Variants in ZNF721 observed in about 807,000 individuals in gnomAD.
ZNF721 encodes zinc finger protein 721.
In ZNF721, 2 loss-of-function variants were observed where a neutral mutation model predicts 2.4. The ratio of observed to expected loss-of-function variants is 0.82; its 90% confidence interval spans 0.34 to 2.58. The LOEUF (loss-of-function observed/expected upper bound fraction) is 2.58. ZNF721 is among the 30% of genes most tolerant of loss of function. ZNF721 has a pLI of 0.11. For synonymous variants in ZNF721, 398 were observed against 381.8 expected (o/e 1.04, Z -0.50); for missense variants, 1,187 against 1,085.5 (o/e 1.09, Z -1.31).
chr4:452,621 C>A (rs1714708373), intron 2 of ZNF721, among the ~76,000 whole-genome samples: 1 of 152,216 alleles, frequency 6.6e-6, no homozygotes, highest in Non-Finnish European at 1.5e-5. Context: ...CTGCAAGTAG[C>A]TGTCCTAGAT....
intron 2 of ZNF721, among the ~76,000 whole-genome samples, chr4:451,547 T>C (rs782771111): frequency 2.0e-5 from 3 of 152,178 alleles, no homozygotes; most frequent in Non-Finnish European, 4.4e-5. Flanking sequence ...CCCAGTCTGG[T>C]GGTGAATTCT....
At chr4:474,034 C>T in intron 1 of ZNF721, 1 of 1,494,824 alleles carries the variant, frequency 6.7e-7, no homozygotes, top group Non-Finnish European at 9.0e-7. Context: ...CATCCAATAC[C>T]CGCAGGTTAC....
At chr4:482,683 G>C (rs1412693245) in intron 1 of ZNF721, among the ~76,000 whole-genome samples, 1 of 151,616 alleles carries the variant, frequency 6.6e-6, no homozygotes, top group Non-Finnish European at 1.5e-5. Flanking sequence ...TTTTAGTAGA[G>C]ACGGGGTTTC....
At chr4:496,707 CTTTTTTTTTTT>C (rs781947891) in intron 1 of ZNF721, among the ~76,000 whole-genome samples, 7 of 83,886 alleles carry the variant, frequency 8.3e-5, no homozygotes, top group Admixed American at 1.6e-4. Context: ...TACATGACTT[CTTTTTTTTTTT>C]TTTTTTTTTT....
rs374163552 is a variant in ZNF721 at position 450,586 on chromosome 4, AT to A, written c.35-6155del. Reference sequence around the variant, plus strand: ...ATGGTACCACATCACTGTATAAAAAATATCTCAAAAATATTCAAGGCAGGGC... The same window carrying A: ...ATGGTACCACATCACTGTATAAAAAAATCTCAAAAATATTCAAGGCAGGGC... On this transcript the variant is annotated intron_variant, in intron 2 of 2. Transcript: ENST00000511833. 4.0e-3 allele frequency among the ~76,000 whole-genome samples: 609 copies of A among 152,236 alleles called. 3 individuals carry two copies. Among genetic ancestry groups the A allele is most frequent in the African/African-American group, 0.014 (592 of 41,536 alleles).
Position 459,658 on chromosome 4 carries a change from C to T in ZNF721, c.34+12917G>A, listed in dbSNP as rs754068714. Reference sequence around the variant, plus strand: ...ATCCGTGGTTAACATGGTGAAACCCCGTCTCTACTAAAAATACAAAAAATT... The same window carrying T: ...ATCCGTGGTTAACATGGTGAAACCCTGTCTCTACTAAAAATACAAAAAATT... On this transcript the variant is annotated intron_variant, in intron 2 of 2. Coordinates refer to ENST00000511833, the MANE Select transcript of ZNF721 (RefSeq NM_133474.4). 7.2e-5 allele frequency among the ~76,000 whole-genome samples: 11 copies of T among 152,072 alleles called. No homozygotes were observed. The South Asian group carries it at 1.7e-3, about 23-fold the overall frequency.
rs1714178171 is a variant in ZNF721, at chr4:440,042, G to A, written c.*1653C>T. The A allele has an allele frequency of 1.5e-5, 2 of 132,040 alleles. No individual in the cohort carries two copies. 8.2% of individuals were successfully genotyped at this position (132,040 alleles called of 1,614,324 possible). ...AAATTAAGTTCACACATTATCTTAAGAGAATTTTAAAATTTACTGCATTTT... is the reference window on the plus strand; with the variant it reads ...AAATTAAGTTCACACATTATCTTAAAAGAATTTTAAAATTTACTGCATTTT... On this transcript the variant is annotated 3_prime_UTR_variant, in exon 3 of 3. Coordinates refer to ENST00000511833, the MANE Select transcript of ZNF721 (RefSeq NM_133474.4).
chr4:477,428 CG>C (rs1715660229), intron 1 of ZNF721, among the ~76,000 whole-genome samples: 1 of 151,832 alleles, frequency 6.6e-6, no homozygotes, highest in Admixed American at 6.6e-5. Flanking sequence ...TTAGTAGAGA[CG>C]GGGTCTCACC....
intron 2 of ZNF721, among the ~76,000 whole-genome samples, chr4:446,403 CAG>C (rs1211072075): frequency 2.9e-5 from 4 of 136,676 alleles, no homozygotes; most frequent in Admixed American, 1.5e-4. Flanking sequence ...TTTTTTGAGA[CAG>C]AGTCTCACTC....
intron 1 of ZNF721, among the ~76,000 whole-genome samples, chr4:483,060 T>C (rs1715809662): frequency 6.6e-6 from 1 of 152,238 alleles, no homozygotes; most frequent in Non-Finnish European, 1.5e-5. Flanking sequence ...TTTCGATGCA[T>C]ATACATCTTA....
intron 2 of ZNF721, among the ~76,000 whole-genome samples, chr4:468,840 G>A (rs1715339687): frequency 6.6e-6 from 1 of 152,174 alleles, no homozygotes; most frequent in South Asian, 2.1e-4. Flanking sequence ...GACCACAGCT[G>A]AAGCCAAGAT....
intron 2 of ZNF721, among the ~76,000 whole-genome samples, chr4:466,733 A>C (rs1553866810): frequency 6.6e-6 from 1 of 152,224 alleles, no homozygotes; most frequent in African/African-American, 2.4e-5. Flanking sequence ...AGAGTACCAA[A>C]GGCAATGGTA....
At chr4:489,722 G>A (rs576117336) in intron 1 of ZNF721, among the ~76,000 whole-genome samples, 8 of 152,224 alleles carry the variant, frequency 5.3e-5, no homozygotes, top group Admixed American at 1.3e-4. Context: ...AGCTACTGGG[G>A]AGGAATGTAG....
Position 442,179 on chromosome 4 carries a change from T to A in ZNF721, c.2288A>T (p.Lys763Ile). 4.3e-6 allele frequency: 7 copies of A among 1,612,382 alleles called. No individual in the cohort carries two copies. Among genetic ancestry groups the A allele is most frequent in the Non-Finnish European group, 5.9e-6 (7 of 1,178,854 alleles). ...YKCKECGKVF[K>I]QSSHLNRHEK... ...ATGTCTATTCAGGTGTGAGGACTGTTTAAACACTTTCCCACATTCTTTACA... is the reference window on the plus strand; with the variant it reads ...ATGTCTATTCAGGTGTGAGGACTGTATAAACACTTTCCCACATTCTTTACA... The change falls in exon 3 of 3, where the codon AAA becomes ATA. Residue 763 changes from lysine (K) to isoleucine (I), a missense_variant. Transcript: ENST00000511833.
intron 2 of ZNF721, among the ~76,000 whole-genome samples, chr4:447,708 T>C (rs1049799592): frequency 2.0e-5 from 3 of 152,180 alleles, no homozygotes; most frequent in Non-Finnish European, 2.9e-5. Flanking sequence ...AGACATTTGA[T>C]GCAAATAACC....
chr4:487,362 G>A (rs1715923368), intron 1 of ZNF721, among the ~76,000 whole-genome samples: 2 of 152,144 alleles, frequency 1.3e-5, no homozygotes. Context: ...GCATGCTGAG[G>A]AAAGCCAAAG....
At chr4:498,732 T>C (rs1364662887) in intron 1 of ZNF721, among the ~76,000 whole-genome samples, 8 of 150,348 alleles carry the variant, frequency 5.3e-5, no homozygotes, top group Non-Finnish European at 7.4e-5. Context: ...TTTTCTTTTT[T>C]TTTTTTTTTT....
chr4:489,449 G>A (rs1576973553), intron 1 of ZNF721, among the ~76,000 whole-genome samples: 9 of 152,310 alleles, frequency 5.9e-5, no homozygotes, highest in Middle Eastern at 3.4e-3. Flanking sequence ...GTCATGGGAA[G>A]AGAGCCCAGA....
At chr4:459,428 C>G (rs1714946845) in intron 2 of ZNF721, among the ~76,000 whole-genome samples, 2 of 149,962 alleles carry the variant, frequency 1.3e-5, no homozygotes, top group African/African-American at 4.9e-5. Flanking sequence ...AACACAGGCT[C>G]AAAATAAAGG....
Sources: gnomAD v4.1 joint callset for allele counts (sites outside exome capture counted in the v4.1 genomes callset) on GRCh38, gnomAD v4.1.1 for gene constraint, MANE v1.5 for transcripts, NCBI Gene and HGNC (gene_info 2026-07-23, HGNC 2026-07-21) for gene names.